SORCS3: variants seen among roughly 807,000 people sequenced by gnomAD.
SORCS3 encodes VPS10 domain-containing receptor SorCS3.
A neutral mutation model predicts 146.3 loss-of-function variants in SORCS3; 57 were observed. The ratio of observed to expected loss-of-function variants is 0.39; its 90% CI spans 0.31 to 0.49. SORCS3 has a LOEUF of 0.49. SORCS3 is among the 20% of genes least tolerant of loss of function. The pLI, the probability that SORCS3 is intolerant of heterozygous loss-of-function variation, is 0.92. For missense variants in SORCS3, 1,341 were observed against 1,575.5 expected (o/e 0.85, Z 2.52); for synonymous variants, 653 against 618.5 (o/e 1.06, Z -0.83).
At chr10:105,148,813 G>A (rs2056149869) in intron 9 of SORCS3, among the ~76,000 whole-genome samples, 1 of 152,060 alleles carries the variant, frequency 6.6e-6, no homozygotes, top group African/African-American at 2.4e-5. Flanking sequence ...CCCTAAATTG[G>A]TATCTAAGTT....
chr10:105,101,010 C>G (rs1000059779), intron 6 of SORCS3, among the ~76,000 whole-genome samples: 2 of 152,220 alleles, frequency 1.3e-5, no homozygotes, highest in Non-Finnish European at 2.9e-5. Flanking sequence ...TCAGCACTTT[C>G]TAGCTTCGGA....
chr10:104,895,371 G>A (rs2018788226), intron 2 of SORCS3, among the ~76,000 whole-genome samples: 1 of 152,194 alleles, frequency 6.6e-6, no homozygotes, highest in South Asian at 2.1e-4. Flanking sequence ...AAGGTAGTGA[G>A]TGATAGCCTC....
chr10:105,248,519 T>C (rs2056880497), intron 22 of SORCS3, among the ~76,000 whole-genome samples: 1 of 151,928 alleles, frequency 6.6e-6, no homozygotes, highest in Non-Finnish European at 1.5e-5. Context: ...ATCGAGACCA[T>C]CCTGGCCAAC....
intron 1 of SORCS3, among the ~76,000 whole-genome samples, chr10:104,784,168 A>G (rs1416686164): frequency 6.6e-6 from 1 of 152,174 alleles, no homozygotes; most frequent in Non-Finnish European, 1.5e-5. Context: ...TGTTCCCCAG[A>G]GCATAGTTGG....
chr10:104,657,009 A>T (rs1480132528), intron 1 of SORCS3, among the ~76,000 whole-genome samples: 1 of 152,142 alleles, frequency 6.6e-6, no homozygotes, highest in Non-Finnish European at 1.5e-5. Context: ...CCATCTTCTA[A>T]CTTTTGGTTT....
intron 3 of SORCS3, among the ~76,000 whole-genome samples, chr10:104,943,105 T>G (rs1456267237): frequency 6.6e-6 from 1 of 152,228 alleles, no homozygotes; most frequent in African/African-American, 2.4e-5. Context: ...GTATTATTTT[T>G]AGACAATGCA....
At chr10:104,799,003 C>T (rs2496027) in intron 1 of SORCS3, among the ~76,000 whole-genome samples, 37,114 of 152,042 alleles carry the variant, frequency 0.24, 4,674 homozygotes, top group African/African-American at 0.3. Context: ...TACTATCTCA[C>T]GGTCAGTTAG....
At chr10:105,241,296 G>A (rs2056821531) in intron 20 of SORCS3, among the ~76,000 whole-genome samples, 1 of 152,172 alleles carries the variant, frequency 6.6e-6, no homozygotes, top group Non-Finnish European at 1.5e-5. Flanking sequence ...TACACTCTGG[G>A]TGCTGACACA....
intron 5 of SORCS3, among the ~76,000 whole-genome samples, chr10:105,061,638 G>A (rs2055487375): frequency 7.9e-6 from 1 of 125,866 alleles, no homozygotes; most frequent in Non-Finnish European, 1.6e-5. Context: ...GGGTGACAGA[G>A]CGAGACCCTA....
intron 7 of SORCS3, among the ~76,000 whole-genome samples, chr10:105,132,952 T>A (rs1180659340): frequency 6.6e-6 from 1 of 152,184 alleles, no homozygotes; most frequent in Non-Finnish European, 1.5e-5. Flanking sequence ...AGAGAAAAGT[T>A]CATCAAAACA....
At chr10:104,868,324 G>A (rs912503872) in intron 2 of SORCS3, among the ~76,000 whole-genome samples, 6 of 152,194 alleles carry the variant, frequency 3.9e-5, no homozygotes, top group Admixed American at 2.6e-4. Flanking sequence ...AAAACTATGA[G>A]CAAAGTTCTA....
intron 1 of SORCS3, among the ~76,000 whole-genome samples, 190 bp downstream of exon 1, chr10:104,642,144 G>T (rs766601383): frequency 6.6e-4 from 100 of 152,264 alleles, no homozygotes; most frequent in Admixed American, 1.0e-3. Flanking sequence ...GTTAGACGCT[G>T]TGTGTGTTTG....
intron 4 of SORCS3, among the ~76,000 whole-genome samples, chr10:104,979,476 G>C (rs1445683979): frequency 6.6e-6 from 1 of 152,060 alleles, no homozygotes; most frequent in Non-Finnish European, 1.5e-5. Context: ...GAACAACCTT[G>C]GTTGAAATAG....
chr10:105,140,645 T>C (rs2056088909), intron 8 of SORCS3, among the ~76,000 whole-genome samples: 1 of 152,048 alleles, frequency 6.6e-6, no homozygotes, highest in African/African-American at 2.4e-5. Flanking sequence ...CAAACAAAGA[T>C]GGGGAGAAGC....
At chr10:105,060,547 G>A (rs572166123) in intron 5 of SORCS3, among the ~76,000 whole-genome samples, 2 of 152,246 alleles carry the variant, frequency 1.3e-5, no homozygotes, top group African/African-American at 2.4e-5. Context: ...TGGGGACGAG[G>A]TGGCCAATTA....
At chr10:104,683,888 A>G (rs1438033129) in intron 1 of SORCS3, among the ~76,000 whole-genome samples, 1 of 152,178 alleles carries the variant, frequency 6.6e-6, no homozygotes, top group African/African-American at 2.4e-5. Context: ...GGGATACAAG[A>G]TAGTAAGACC....
chr10:105,236,037 G>A (rs2056791356), intron 20 of SORCS3, among the ~76,000 whole-genome samples: 1 of 152,054 alleles, frequency 6.6e-6, no homozygotes, highest in African/African-American at 2.4e-5. Flanking sequence ...CAAGATTCAT[G>A]GACCAAGGAA....
At chr10:105,056,322 C>G (rs967541943) in intron 5 of SORCS3, among the ~76,000 whole-genome samples, 1 of 152,176 alleles carries the variant, frequency 6.6e-6, no homozygotes, top group East Asian at 1.9e-4. Context: ...TCAGTAAGTG[C>G]CTTCTGCACC....
At chr10:104,815,888 C>T (rs1054056941) in intron 1 of SORCS3, among the ~76,000 whole-genome samples, 28 of 152,074 alleles carry the variant, frequency 1.8e-4, no homozygotes, top group African/African-American at 6.3e-4. Flanking sequence ...CCCATAAGAC[C>T]ATGTAGTTCC....
Sources: gnomAD v4.1 joint callset for allele counts (sites outside exome capture counted in the v4.1 genomes callset) on GRCh38, gnomAD v4.1.1 for gene constraint, MANE v1.5 for transcripts, NCBI Gene and HGNC (gene_info 2026-07-23, HGNC 2026-07-21) for gene names.